The following ATAD3B variants were observed in gnomAD, a reference collection of about 807,000 sequenced individuals.
The protein encoded by ATAD3B is ATPase family AAA domain-containing protein 3B.
ATAD3B carries 59 observed loss-of-function variants against 70.2 expected under a neutral mutation model. The observed-to-expected ratio is 0.84, with a 90% CI of 0.68 to 1.04. The LOEUF is 1.04. Among genes scored for constraint, ATAD3B ranks in the 50% least tolerant of loss-of-function variants. The pLI, the probability that ATAD3B is intolerant of heterozygous loss-of-function variation, is 0.00. For synonymous variants in ATAD3B, 423 were observed against 388.6 expected, an observed-to-expected ratio of 1.09 and a Z score of -1.04; for missense variants, 961 against 913.4, an observed-to-expected ratio of 1.05 and a Z score of -0.67.
the ATAD3B span, among the ~76,000 whole-genome samples, chr1:1,504,812 C>T: frequency 4.1e-4 from 63 of 152,242 alleles, no homozygotes; most frequent in African/African-American, 1.4e-3. Context: ...CCTCATGTGG[C>T]GGAGAGAGTG....
chr1:1,492,323 A>G (rs1640579835), intron 15 of ATAD3B, among the ~76,000 whole-genome samples: 1 of 151,118 alleles, frequency 6.6e-6, no homozygotes, highest in Admixed American at 6.6e-5. Context: ...CCACCTCTAC[A>G]AAAAATACGA....
intron 11 of ATAD3B, among the ~76,000 whole-genome samples, chr1:1,487,349 ATGG>A (rs1640275621): frequency 1.3e-5 from 2 of 151,910 alleles, no homozygotes; most frequent in South Asian, 4.2e-4. Context: ...TTAGCCAGGC[ATGG>A]TGGTGGGCAC....
At chr1:1,483,712 A>C (rs1197493217) in intron 7 of ATAD3B, 1 of 152,756 alleles carries the variant, frequency 6.5e-6, no homozygotes, top group African/African-American at 2.4e-5. Flanking sequence ...GAGGCAGGAG[A>C]ACTGCTTGAA....
downstream of ATAD3B, among the ~76,000 whole-genome samples, chr1:1,498,409 C>A (rs1007689192): frequency 1.2e-4 from 18 of 151,820 alleles, no homozygotes; most frequent in African/African-American, 4.4e-4. Context: ...AGGTGACAGC[C>A]GAGATCGCAC....
rs888070601 is a variant in ATAD3B, at chr1:1,489,381, C to T, written c.1337+107C>T. ...CACAGTGCTGGGCACCAGCTGTGGC[C>T]TCAGTGTGCCCACCTCAGATGTCCC... is the stretch of plus-strand genomic sequence containing the variant. On this transcript the variant is annotated intron_variant, in intron 13 of 15. Coordinates refer to ENST00000673477, the MANE Select transcript of ATAD3B (RefSeq NM_031921.6). 1.0e-5 allele frequency: 16 copies of T among 1,562,740 alleles called. No homozygotes were observed. In the African/African-American group the frequency reaches 1.9e-4, roughly 19 times the overall value.
intron 15 of ATAD3B, among the ~76,000 whole-genome samples, chr1:1,492,382 A>C (rs1640582521): frequency 6.6e-6 from 1 of 151,816 alleles, no homozygotes; most frequent in African/African-American, 2.4e-5. Context: ...GCTACTCAGG[A>C]GGCTGAGGCA....
intron 1 of ATAD3B, among the ~76,000 whole-genome samples, chr1:1,476,190 G>A (rs1197815428): frequency 3.4e-5 from 5 of 146,724 alleles, no homozygotes; most frequent in Middle Eastern, 6.8e-3. Flanking sequence ...GGCGCTTCCT[G>A]AAATGTGACG....
At chr1:1,501,915 G>A (rs889274181), downstream of ATAD3B, among the ~76,000 whole-genome samples, 3 of 151,526 alleles carry the variant, frequency 2.0e-5, no homozygotes, top group Non-Finnish European at 2.9e-5. Context: ...AGTCTCACTC[G>A]TCGCCGAGGC....
intron 15 of ATAD3B, among the ~76,000 whole-genome samples, chr1:1,494,534 T>C (rs1640683474): frequency 6.6e-6 from 1 of 151,576 alleles, no homozygotes; most frequent in South Asian, 2.1e-4. Context: ...CGACCCACAG[T>C]GGCGGTCCGG....
intron 15 of ATAD3B, 78 bp from the exon 16 acceptor site, chr1:1,495,407 C>G: frequency 6.6e-7 from 1 of 1,517,804 alleles, no homozygotes; most frequent in Non-Finnish European, 8.8e-7. Context: ...TGGCCCCTCC[C>G]CACCTCGGGG....
chr1:1,486,915 G>T (rs1570251369), intron 11 of ATAD3B, among the ~76,000 whole-genome samples: 3 of 151,014 alleles, frequency 2.0e-5, no homozygotes, highest in Admixed American at 6.6e-5. Context: ...AAGGGAGGTG[G>T]GTGGGTGCAG....
rs148667275 is a variant in ATAD3B, at chr1:1,485,132, C to T, written c.867C>T (p.Ser289=). Residue 289 remains serine (S), a synonymous_variant, in exon 8 of 16, where the codon TCC becomes TCT. Coordinates refer to ENST00000673477, the MANE Select transcript of ATAD3B (RefSeq NM_031921.6). ...AGCCGTCCCTAGTGAGGGAGACGTC[C>T]CGCATCACGGTGCTGGAGGCGCTGC... ...LGKPSLVRET[S]RITVLEALRH... The T allele has an allele frequency of 9.8e-5, 158 of 1,610,572 alleles. 1 individual carries two copies. The African/African-American group carries it at 1.8e-3, about 19-fold the overall frequency.
At position 1,478,551 on chromosome 1, in the gene ATAD3B, C is replaced by G. The variant is rs560730280; in HGVS notation, c.283-93C>G. The G allele has an allele frequency of 1.6e-5, 25 of 1,550,220 alleles. 2 individuals are homozygous for G. In the South Asian group the frequency reaches 2.7e-4, roughly 17 times the overall value. On this transcript the variant is annotated intron_variant, in intron 2 of 15. Coordinates refer to ENST00000673477, the MANE Select transcript of ATAD3B (RefSeq NM_031921.6). ...GCACACACTAGTCTGGGCACGGAGTCTCTGCCGTGCCGGAGCTGTGCAGAC... is the reference window on the plus strand; with the variant it reads ...GCACACACTAGTCTGGGCACGGAGTGTCTGCCGTGCCGGAGCTGTGCAGAC...
At chr1:1,475,990 C>G (rs1639568756) in intron 1 of ATAD3B, among the ~76,000 whole-genome samples, 1 of 149,434 alleles carries the variant, frequency 6.7e-6, no homozygotes, top group Admixed American at 6.7e-5. Flanking sequence ...GTGGCAGGAC[C>G]CTGGGGGACT....
chr1:1,498,309 T>C (rs1240396547), downstream of ATAD3B, among the ~76,000 whole-genome samples: 2 of 150,810 alleles, frequency 1.3e-5, no homozygotes, highest in African/African-American at 4.9e-5. Context: ...GTCTCAAATA[T>C]AAAATAAAAA....
At chr1:1,489,552 G>C in intron 13 of ATAD3B, 1 of 1,008,726 alleles carries the variant, frequency 9.9e-7, no homozygotes, top group Non-Finnish European at 1.4e-6. Context: ...AGATTTCTGC[G>C]GTCCTGTGCC....
the ATAD3B span, among the ~76,000 whole-genome samples, chr1:1,508,970 A>G: frequency 6.6e-6 from 1 of 151,680 alleles, no homozygotes; most frequent in African/African-American, 2.4e-5. Flanking sequence ...CTATTATTAG[A>G]AAGTCATTGA....
Position 1,482,541 on chromosome 1 carries a change from G to T in ATAD3B, c.681-4G>T, listed in dbSNP as rs199975404. On this transcript the variant is annotated splice_region_variant and splice_polypyrimidine_tract_variant and intron_variant, in intron 6 of 15. Transcript: ENST00000673477. Reference sequence around the variant, plus strand: ...TCCTGGTCACACCACTGCTTTCCCCGCAGGACGGCTGGCACCTTGTTTGGG... The same window carrying T: ...TCCTGGTCACACCACTGCTTTCCCCTCAGGACGGCTGGCACCTTGTTTGGG... The T allele has an allele frequency of 6.2e-7, 1 of 1,613,216 alleles. No individual in the cohort carries two copies. Among genetic ancestry groups the T allele is most frequent in the Non-Finnish European group, 8.5e-7 (1 of 1,179,546 alleles).
At chr1:1,479,795 G>A (rs147712747) in intron 4 of ATAD3B, among the ~76,000 whole-genome samples, 1,523 of 119,786 alleles carry the variant, frequency 0.013, 135 homozygotes, top group African/African-American at 0.049. Flanking sequence ...CCCCGCACAC[G>A]TGGGCCCGCT....
Sources: gnomAD v4.1 joint callset for allele counts (sites outside exome capture counted in the v4.1 genomes callset) on GRCh38, gnomAD v4.1.1 for gene constraint, MANE v1.5 for transcripts, NCBI Gene and HGNC (gene_info 2026-07-23, HGNC 2026-07-21) for gene names.